Variants in ZNF558 observed in about 807,000 individuals in gnomAD.
ZNF558 encodes zinc finger protein 558.
ZNF558 carries 23 observed loss-of-function variants against 37.6 expected under a neutral mutation model. The observed-to-expected ratio is 0.61, with a 90% confidence interval of 0.44 to 0.87. The LOEUF is 0.87. Ranked by LOEUF, ZNF558 falls within the 40% of genes least tolerant of loss-of-function variation. The probability of loss-of-function intolerance (pLI) is 0.00; values close to 1 mark genes in which losing one functional copy is unlikely to be tolerated. For missense variants in ZNF558, 429 were observed against 483.7 expected, an observed-to-expected ratio of 0.89 and a Z score of 1.06; for synonymous variants, 189 against 174.4, an observed-to-expected ratio of 1.08 and a Z score of -0.66.
chr19:8,836,546 C>T (rs1333543232), upstream of ZNF558, among the ~76,000 whole-genome samples: 1 of 151,626 alleles, frequency 6.6e-6, no homozygotes, highest in Non-Finnish European at 1.5e-5. Flanking sequence ...GGCTGGAGTG[C>T]AGTGGTGCAA....
In ZNF558 at chr19:8,811,867, T is replaced by C; in HGVS notation, c.623A>G (p.Tyr208Cys). ...HKRIHNGEKP[Y>C]ECNHCGKAFS... ...TGCTTTCCCACAGTGATTGCATTCATAGGGTTTCTCCCCATTATGGATTCT... is the reference window on the plus strand; with the variant it reads ...TGCTTTCCCACAGTGATTGCATTCACAGGGTTTCTCCCCATTATGGATTCT... The change falls in exon 10 of 10, where the codon TAT becomes TGT. Residue 208 changes from tyrosine (Y) to cysteine (C), a missense_variant. Physicochemically the swap from Tyr to Cys is radical, Grantham distance 194. Coordinates refer to ENST00000601372, the MANE Select transcript of ZNF558 (RefSeq NM_144693.3). The C allele has an allele frequency of 1.9e-6, 3 of 1,614,176 alleles. No individual in the cohort carries two copies. Among genetic ancestry groups the C allele is most frequent in the South Asian group, 1.1e-5 (1 of 91,086 alleles).
chr19:8,832,835 G>A, upstream of ZNF558, among the ~76,000 whole-genome samples: 1 of 151,964 alleles, frequency 6.6e-6, no homozygotes, highest in South Asian at 2.1e-4. Flanking sequence ...GGTTGTGACA[G>A]CCCTGGAGGT....
rs1465516668 is a variant in ZNF558, at chr19:8,822,736, G to C, written c.-65-12C>G. ...TATCCCGCAGCGCTCTGGAAGAAAC[G>C]GGAATGCTCCAAGTCTCCGTGGCCT... On this transcript the variant is annotated splice_polypyrimidine_tract_variant and intron_variant, in intron 4 of 9. Coordinates refer to ENST00000601372, the MANE Select transcript of ZNF558 (RefSeq NM_144693.3). This position sits in a 1 kb window ranked among gnomAD's most constrained non-coding sequence, Gnocchi z 4.4. 1.9e-6 allele frequency: 3 copies of C among 1,610,490 alleles called. No individual in the cohort carries two copies. Among genetic ancestry groups the C allele is most frequent in the South Asian group, 1.1e-5 (1 of 91,036 alleles).
chr19:8,813,025 T>C (rs2043834296), intron 8 of ZNF558, 102 bp downstream of exon 8: 6 of 902,018 alleles, frequency 6.7e-6, no homozygotes, highest in Non-Finnish European at 1.1e-5. Context: ...CAGGGTATTT[T>C]ACAAAGTTCC....
intron 7 of ZNF558, among the ~76,000 whole-genome samples, chr19:8,814,680 T>C (rs1450447427): frequency 6.6e-6 from 1 of 152,196 alleles, no homozygotes; most frequent in African/African-American, 2.4e-5. Flanking sequence ...GTTAAATGCC[T>C]ACCTAAGTAT....
intron 7 of ZNF558, among the ~76,000 whole-genome samples, chr19:8,819,711 GC>G (rs2044033689): frequency 6.6e-6 from 1 of 152,142 alleles, no homozygotes; most frequent in Non-Finnish European, 1.5e-5. Context: ...GCCAAGGCAG[GC>G]GGATCATTTG....
intron 2 of ZNF558, chr19:8,830,963 G>C (rs2044338447): frequency 6.6e-6 from 1 of 151,680 alleles, no homozygotes; most frequent in African/African-American, 2.4e-5. Context: ...CTAGTTGTTA[G>C]TGGGAAGACT....
chr19:8,822,193 C>A lies in ZNF558; in HGVS notation c.32-102G>T. On this transcript the variant is annotated intron_variant, in intron 5 of 9. Coordinates refer to ENST00000601372, the MANE Select transcript of ZNF558 (RefSeq NM_144693.3). The surrounding 1 kb of genome is among the most constrained non-coding windows in gnomAD (Gnocchi z 4.4). ...ACCTCCCACACCCACACGGATGAGG[C>A]ACCACACAGTGCCCACCTACGCTCC... 2 of 1,410,450 alleles carry A rather than the reference C, an allele frequency of 1.4e-6. No individual in the cohort carries two copies. The highest frequency in any genetic ancestry group is 1.3e-5 in the South Asian group (1 of 79,658). 87.4% of individuals were successfully genotyped at this position (1,410,450 alleles called of 1,614,324 possible). A position where few individuals can be genotyped will look rare whatever the true frequency, so the allele number is the denominator to read the frequency against.
upstream of ZNF558, among the ~76,000 whole-genome samples, chr19:8,836,348 TTCC>T (rs1030170202): frequency 7.2e-5 from 11 of 152,022 alleles, no homozygotes; most frequent in Admixed American, 3.9e-4. Flanking sequence ...CTTCTTCCTC[TTCC>T]TCCTCCTCCT....
rs782520536 is a variant in ZNF558, at chr19:8,812,007, G to A, written c.483C>T (p.Phe161=). ...GCTGAGTTAGGTTAGATTTCGTGCTGAAGACTTTAAAACACTGATTACATT... is the reference window on the plus strand; with the variant it reads ...GCTGAGTTAGGTTAGATTTCGTGCTAAAGACTTTAAAACACTGATTACATT... ...LNECNQCFKV[F]STKSNLTQHK... Residue 161 remains phenylalanine (F), a synonymous_variant, in exon 10 of 10, where the codon TTC becomes TTT. Transcript: ENST00000601372. 2.1e-5 allele frequency: 34 copies of A among 1,612,758 alleles called. No homozygotes were observed. Among genetic ancestry groups the A allele is most frequent in the Non-Finnish European group, 2.9e-5 (34 of 1,179,378 alleles).
At chr19:8,830,568 A>G (rs896434954) in intron 2 of ZNF558, among the ~76,000 whole-genome samples, 1 of 152,174 alleles carries the variant, frequency 6.6e-6, no homozygotes, top group Non-Finnish European at 1.5e-5. Flanking sequence ...TATATTTTGA[A>G]GTTTGGTGGA....
At chr19:8,813,461 C>T (rs927801079) in intron 7 of ZNF558, among the ~76,000 whole-genome samples, 25 of 152,196 alleles carry the variant, frequency 1.6e-4, no homozygotes, top group South Asian at 6.2e-4. Context: ...CAGGTTCAAG[C>T]GATTCTCCTG....
chr19:8,834,999 G>A (rs2044439374), upstream of ZNF558, among the ~76,000 whole-genome samples: 1 of 151,630 alleles, frequency 6.6e-6, no homozygotes, highest in Non-Finnish European at 1.5e-5. Flanking sequence ...AATATATAAA[G>A]GCTTGCGACT....
At chr19:8,837,759 A>G in the ZNF558 span, among the ~76,000 whole-genome samples, 2 of 152,216 alleles carry the variant, frequency 1.3e-5, no homozygotes, top group African/African-American at 2.4e-5. Context: ...CTGCTAGAGT[A>G]AAAACAACTA....
chr19:8,815,252 T>C (rs1347656594), intron 7 of ZNF558, among the ~76,000 whole-genome samples: 1 of 151,920 alleles, frequency 6.6e-6, no homozygotes, highest in Non-Finnish European at 1.5e-5. Context: ...AAGGAAACCA[T>C]GAATACAAAT....
chr19:8,812,196 A>G lies in ZNF558; in HGVS notation c.427-133T>C, dbSNP rs555938377. On this transcript the variant is annotated intron_variant, in intron 9 of 9. Coordinates refer to ENST00000601372, the MANE Select transcript of ZNF558 (RefSeq NM_144693.3). The stretch of plus-strand genomic sequence containing the variant: ...TATTTTGGCTACTTTCAGTGGTTGT[A>G]TGTGATTTCTGCCCAGTTTTAGCTC... The G allele has an allele frequency of 2.8e-4, 239 of 868,504 alleles. 1 individual carries two copies. In the African/African-American group the frequency reaches 3.6e-3, roughly 13 times the overall value. The allele number at this position is 868,504 out of a possible 1,614,324, so 53.8% of individuals were successfully genotyped here.
chr19:8,834,347 C>T (rs982230583), upstream of ZNF558, among the ~76,000 whole-genome samples: 9 of 152,120 alleles, frequency 5.9e-5, no homozygotes, highest in Admixed American at 1.3e-4. Context: ...TGGTGGCTCA[C>T]GCCTGTAACC....
rs1437151756 is a variant in ZNF558, at chr19:8,813,058, A to G, written c.343+69T>C. 4 of 1,250,096 alleles carry G rather than the reference A, an allele frequency of 3.2e-6. No homozygotes were observed. In the East Asian group the frequency reaches 1.0e-4, roughly 32 times the overall value. 77.4% of individuals were successfully genotyped at this position (1,250,096 alleles called of 1,614,324 possible). A position where few individuals can be genotyped will look rare whatever the true frequency, so the allele number is the denominator to read the frequency against. On this transcript the variant is annotated intron_variant, in intron 8 of 9. Transcript: ENST00000601372. ...TCCCTGATTGACATGAACTAATGTAATACTCCCAACCCCCAAGTCACTGGC... is the reference window on the plus strand; with the variant it reads ...TCCCTGATTGACATGAACTAATGTAGTACTCCCAACCCCCAAGTCACTGGC...
upstream of ZNF558, among the ~76,000 whole-genome samples, chr19:8,834,305 C>T (rs1466147909): frequency 1.3e-5 from 2 of 152,002 alleles, no homozygotes. Flanking sequence ...AACTAGATGC[C>T]AATATACAAA....
Sources: gnomAD v4.1 joint callset for allele counts (sites outside exome capture counted in the v4.1 genomes callset) on GRCh38, gnomAD v4.1.1 for gene constraint, Gnocchi (gnomAD v3.1) non-coding constraint, MANE v1.5 for transcripts, NCBI Gene and HGNC (gene_info 2026-07-23, HGNC 2026-07-21) for gene names.